The following PID1 variants were observed in gnomAD, a reference collection of about 807,000 sequenced individuals.
PID1 encodes the protein PTB-containing, cubilin and LRP1-interacting protein.
In PID1, 10 loss-of-function variants were observed where a neutral mutation model predicts 19.1. The ratio of observed to expected loss-of-function variants is 0.52; its 90% CI spans 0.32 to 0.89. PID1 has a LOEUF of 0.89. PID1 is among the 40% of genes least tolerant of loss of function. PID1 has a pLI of 0.03. For missense variants in PID1, 248 were observed against 285.3 expected, an observed-to-expected ratio of 0.87 and a Z score of 0.94; for synonymous variants, 130 against 116.0, an observed-to-expected ratio of 1.12 and a Z score of -0.78.
intron 2 of PID1, among the ~76,000 whole-genome samples, chr2:229,146,715 T>C (rs1423701166): frequency 1.3e-5 from 2 of 151,998 alleles, no homozygotes; most frequent in Non-Finnish European, 2.9e-5. Context: ...TGAAGGATCC[T>C]AGATAGATAG....
At chr2:229,071,231 C>A (rs936129641) in intron 2 of PID1, among the ~76,000 whole-genome samples, 1 of 152,214 alleles carries the variant, frequency 6.6e-6, no homozygotes, top group Admixed American at 6.5e-5. Flanking sequence ...ACTACACTGA[C>A]TCTGAGAGAA....
At chr2:229,065,686 G>T (rs1381656168) in intron 2 of PID1, among the ~76,000 whole-genome samples, 1 of 79,060 alleles carries the variant, frequency 1.3e-5, no homozygotes, top group South Asian at 4.4e-4. Flanking sequence ...TTAAACTAAA[G>T]CTACAAATGG....
chr2:229,232,840 T>A (rs976808661), intron 1 of PID1, among the ~76,000 whole-genome samples: 1 of 149,734 alleles, frequency 6.7e-6, no homozygotes, highest in Admixed American at 6.7e-5. Flanking sequence ...TGCATGTGTA[T>A]GTGTGTGTGT....
chr2:229,207,364 G>A (rs924585644), intron 1 of PID1, among the ~76,000 whole-genome samples: 2 of 151,778 alleles, frequency 1.3e-5, no homozygotes, highest in Admixed American at 1.3e-4. Context: ...TGTAAAATGG[G>A]AACTGAAAAT....
rs201316704 is a variant in PID1, at chr2:229,025,618, C to T, written c.*14G>A. ...GTGACCAATGCTGCCTTTGCTGAAG[C>T]GTCTCAAGTTCATTCAGCCATCATC... On this transcript the variant is annotated 3_prime_UTR_variant, in exon 3 of 3. Coordinates refer to ENST00000392055, the MANE Select transcript of PID1 (RefSeq NM_001100818.2). 2.3e-5 allele frequency: 36 copies of T among 1,571,158 alleles called. No homozygotes were observed. In the East Asian group the frequency reaches 5.0e-4, roughly 22 times the overall value.
intron 2 of PID1, among the ~76,000 whole-genome samples, chr2:229,042,545 C>T (rs533200912): frequency 1.3e-5 from 2 of 152,234 alleles, no homozygotes; most frequent in South Asian, 2.1e-4. Context: ...CTACTCTGAC[C>T]GTCCTGGAGC....
intron 1 of PID1, among the ~76,000 whole-genome samples, chr2:229,230,151 G>A (rs996098567): frequency 7.2e-5 from 11 of 152,170 alleles, no homozygotes; most frequent in Admixed American, 2.0e-4. Flanking sequence ...GGGAAACGGG[G>A]CCAATCTAAA....
At chr2:229,122,978 C>T (rs1413557351) in intron 2 of PID1, among the ~76,000 whole-genome samples, 3 of 152,130 alleles carry the variant, frequency 2.0e-5, no homozygotes, top group African/African-American at 7.2e-5. Context: ...GTGAAATCTA[C>T]CTTACTGTTT....
chr2:229,153,441 G>T (rs1003415973), intron 2 of PID1, among the ~76,000 whole-genome samples: 1 of 152,114 alleles, frequency 6.6e-6, no homozygotes, highest in African/African-American at 2.4e-5. Flanking sequence ...TATATAGCCC[G>T]GTGGAATGTG....
chr2:229,088,813 C>T (rs970980074), intron 2 of PID1, among the ~76,000 whole-genome samples: 21 of 152,146 alleles, frequency 1.4e-4, no homozygotes, highest in Admixed American at 2.6e-4. Flanking sequence ...CGGTTCACTA[C>T]TTTCCATGAA....
intron 2 of PID1, among the ~76,000 whole-genome samples, chr2:229,068,475 G>T (rs1231417344): frequency 2.0e-5 from 3 of 152,104 alleles, no homozygotes; most frequent in African/African-American, 7.2e-5. Context: ...TGGAAAACAA[G>T]CACACTTTAC....
intron 1 of PID1, chr2:229,262,968 T>G (rs1690499429): frequency 7.6e-7 from 1 of 1,314,886 alleles, no homozygotes; most frequent in African/African-American, 1.5e-5. Context: ...TGCTTACATC[T>G]GCACAAACCT....
intron 1 of PID1, among the ~76,000 whole-genome samples, chr2:229,233,352 T>G (rs866281740): frequency 5.3e-5 from 8 of 152,084 alleles, no homozygotes; most frequent in South Asian, 2.1e-4. Flanking sequence ...CATGTCATCA[T>G]AAGGTCTTTT....
intron 2 of PID1, among the ~76,000 whole-genome samples, chr2:229,048,729 A>C (rs140661906): frequency 4.5e-4 from 68 of 152,304 alleles, no homozygotes; most frequent in African/African-American, 1.6e-3. Flanking sequence ...TCTAAATGTA[A>C]AATTTTACTT....
chr2:229,075,672 A>C (rs1489379516), intron 2 of PID1, among the ~76,000 whole-genome samples: 5 of 152,254 alleles, frequency 3.3e-5, no homozygotes, highest in Admixed American at 2.6e-4. Context: ...ATCACAGGGA[A>C]GTCGGTCACC....
intron 2 of PID1, among the ~76,000 whole-genome samples, chr2:229,094,860 A>G (rs140319350): frequency 6.8e-4 from 102 of 150,982 alleles, no homozygotes; most frequent in African/African-American, 2.4e-3. Flanking sequence ...AATCAGCAAG[A>G]AAAAAAAACA....
At chr2:229,080,409 G>T (rs778233007) in intron 2 of PID1, among the ~76,000 whole-genome samples, 1 of 151,966 alleles carries the variant, frequency 6.6e-6, no homozygotes, top group Non-Finnish European at 1.5e-5. Flanking sequence ...TCTCTCCCGG[G>T]CATGGCTCTC....
intron 2 of PID1, among the ~76,000 whole-genome samples, chr2:229,094,508 C>A (rs1694936299): frequency 6.6e-6 from 1 of 152,014 alleles, no homozygotes; most frequent in Non-Finnish European, 1.5e-5. Flanking sequence ...AAGAACAAAT[C>A]TAGGGGCATC....
At chr2:229,206,612 C>A (rs550906643) in intron 1 of PID1, among the ~76,000 whole-genome samples, 3 of 152,110 alleles carry the variant, frequency 2.0e-5, no homozygotes, top group African/African-American at 7.2e-5. Flanking sequence ...GCTCTTTAAC[C>A]GTGACATCAT....
Sources: allele counts gnomAD v4.1 joint callset (sites outside exome capture counted in the v4.1 genomes callset), GRCh38; gene constraint gnomAD v4.1.1; transcripts MANE v1.5; gene names NCBI Gene and HGNC (gene_info 2026-07-23, HGNC 2026-07-21).